The following PCDH11X variants were observed in gnomAD, a reference collection of about 807,000 sequenced individuals.
PCDH11X encodes protocadherin 11 X-linked.
Under a neutral mutation model 53.3 loss-of-function variants are expected in PCDH11X, and 18 were observed. That is an observed-to-expected ratio of 0.34 (90% confidence interval 0.23 to 0.50). The LOEUF is 0.50. PCDH11X is among the 20% of genes least tolerant of loss of function. The pLI, the probability that PCDH11X is intolerant of heterozygous loss-of-function variation, is 0.98. For missense variants in PCDH11X, 570 were observed against 1,032.4 expected (o/e 0.55, Z 6.14); for synonymous variants, 279 against 393.3 (o/e 0.71, Z 3.44).
chrX:92,069,365 T>C (rs183605675), intron 6 of PCDH11X, among the ~76,000 whole-genome samples: 161 of 110,816 alleles, frequency 1.5e-3, no homozygotes, highest in Non-Finnish European at 1.7e-3. Flanking sequence ...TTTATCTTTA[T>C]AGGTGAAATG....
At chrX:91,845,045 G>C (rs1937602735) in intron 5 of PCDH11X, among the ~76,000 whole-genome samples, 1 of 111,718 alleles carries the variant, frequency 9.0e-6, no homozygotes, top group Admixed American at 9.5e-5. Flanking sequence ...ATTACTTTTA[G>C]TTGAACAGAG....
intron 6 of PCDH11X, among the ~76,000 whole-genome samples, chrX:91,956,177 A>C (rs1371164746): frequency 9.0e-6 from 1 of 111,186 alleles, no homozygotes; most frequent in Non-Finnish European, 1.9e-5. Context: ...TCTTGAAGGC[A>C]GCATACCAAT....
intron 8 of PCDH11X, among the ~76,000 whole-genome samples, chrX:92,293,503 A>G (rs1232136018): frequency 9.2e-6 from 1 of 109,253 alleles, no homozygotes; most frequent in East Asian, 2.9e-4. Flanking sequence ...GGGCGCCTGT[A>G]GTCCCAGCTA....
intron 10 of PCDH11X, among the ~76,000 whole-genome samples, chrX:92,598,632 A>G (rs1394905855): frequency 1.1e-5 from 1 of 93,019 alleles, no homozygotes; most frequent in Non-Finnish European, 2.1e-5. Context: ...CACTATAGAG[A>G]ACAGTTTGGA....
chrX:92,594,270 T>A (rs1925337216), intron 10 of PCDH11X, among the ~76,000 whole-genome samples: 1 of 107,237 alleles, frequency 9.3e-6, no homozygotes, highest in African/African-American at 3.5e-5. Flanking sequence ...CATGGTCAAA[T>A]TCTAAATTAA....
At chrX:92,280,541 TAAA>T (rs2068227169) in intron 8 of PCDH11X, among the ~76,000 whole-genome samples, 2 of 107,962 alleles carry the variant, frequency 1.9e-5, no homozygotes, top group African/African-American at 6.7e-5. Context: ...AATAAATAAA[TAAA>T]TAAATAAATA....
intron 6 of PCDH11X, among the ~76,000 whole-genome samples, chrX:92,165,801 T>C (rs2065722686): frequency 8.9e-6 from 1 of 111,767 alleles, no homozygotes; most frequent in African/African-American, 3.3e-5. Flanking sequence ...CACTTTTGCA[T>C]TTCTAGTACT....
intron 8 of PCDH11X, among the ~76,000 whole-genome samples, chrX:92,314,018 C>T (rs34920963): frequency 3.6e-5 from 4 of 111,040 alleles, no homozygotes; most frequent in Non-Finnish European, 5.7e-5. Flanking sequence ...TACACTAAAT[C>T]GAAGGAAGTC....
At chrX:92,581,025 G>C (rs780624131) in intron 10 of PCDH11X, among the ~76,000 whole-genome samples, 1 of 110,468 alleles carries the variant, frequency 9.1e-6, no homozygotes, top group Non-Finnish European at 1.9e-5. Context: ...ATTTTTCTTG[G>C]TGAGAGCTGC....
intron 10 of PCDH11X, among the ~76,000 whole-genome samples, chrX:92,525,878 T>G (rs1056777499): frequency 4.5e-5 from 5 of 111,021 alleles, no homozygotes; most frequent in African/African-American, 1.6e-4. Flanking sequence ...TTTCTTATTT[T>G]TTGCTCCAAT....
chrX:92,575,646 T>C (rs1922735373), intron 10 of PCDH11X, among the ~76,000 whole-genome samples: 1 of 107,583 alleles, frequency 9.3e-6, no homozygotes, highest in African/African-American at 3.3e-5. Context: ...TAACTATAGA[T>C]TAAATTCAAT....
In PCDH11X at chrX:92,352,264, A is replaced by T. The variant is rs781751587; in HGVS notation, c.3145-35471A>T. Reference sequence around the variant, plus strand: ...TATTAGAAAGACATTATATACCCAAACCTCTCATTTGATAGGTGAGAAAAC... The same window carrying T: ...TATTAGAAAGACATTATATACCCAATCCTCTCATTTGATAGGTGAGAAAAC... On this transcript the variant is annotated intron_variant, in intron 8 of 10. Transcript: ENST00000682573. Among the ~76,000 whole-genome samples, 6 of 111,795 alleles carry T rather than the reference A, an allele frequency of 5.4e-5. No homozygotes were observed. The East Asian group carries it at 1.7e-3, about 32-fold the overall frequency.
At chrX:92,364,550 T>C (rs2070420193) in intron 8 of PCDH11X, among the ~76,000 whole-genome samples, 1 of 110,953 alleles carries the variant, frequency 9.0e-6, no homozygotes, top group African/African-American at 3.3e-5. Context: ...GCCATTACTT[T>C]ACACTACTGT....
chrX:92,584,591 G>A (rs1474721916), intron 10 of PCDH11X, among the ~76,000 whole-genome samples: 1 of 109,572 alleles, frequency 9.1e-6, no homozygotes, highest in East Asian at 2.8e-4. Context: ...ATAGTTCTGT[G>A]TTTATTAAAG....
intron 4 of PCDH11X, among the ~76,000 whole-genome samples, chrX:91,819,078 T>C (rs1936545902): frequency 8.9e-6 from 1 of 111,742 alleles, no homozygotes; most frequent in Admixed American, 9.6e-5. Flanking sequence ...TTGAGGTTAA[T>C]GCACTTCTTG....
chrX:91,932,081 T>C (rs1331138443), intron 6 of PCDH11X, among the ~76,000 whole-genome samples: 3 of 111,144 alleles, frequency 2.7e-5, no homozygotes, highest in Non-Finnish European at 5.7e-5. Flanking sequence ...ACATGCAGTA[T>C]TTGATTTTCT....
At position 92,377,725 on chromosome X, in the gene PCDH11X, A is replaced by G. The variant is rs751086446; in HGVS notation, c.3145-10010A>G. On this transcript the variant is annotated intron_variant, in intron 8 of 10. Coordinates refer to ENST00000682573, the MANE Select transcript of PCDH11X (RefSeq NM_032968.5). ...TTATACCATGGCCATCTCTGTGTTA[A>G]TAATGTCATCACTAGATCATATGTA... Among the ~76,000 whole-genome samples, 620 of 100,391 alleles carry G rather than the reference A, an allele frequency of 6.2e-3. 6 individuals carry two copies. The highest frequency in any genetic ancestry group is 0.021 in the African/African-American group (592 of 27,592). 87.2% of individuals were successfully genotyped at this position (100,391 alleles called of 115,157 possible). A position where few individuals can be genotyped will look rare whatever the true frequency, so the allele number is the denominator to read the frequency against.
intron 6 of PCDH11X, among the ~76,000 whole-genome samples, chrX:92,111,626 T>C (rs1285503234): frequency 9.0e-6 from 1 of 111,414 alleles, no homozygotes; most frequent in Non-Finnish European, 1.9e-5. Context: ...GTAGAAGATA[T>C]AGTCCAATGT....
chrX:92,158,355 C>G (rs1355462865), intron 6 of PCDH11X, among the ~76,000 whole-genome samples: 2 of 109,628 alleles, frequency 1.8e-5, no homozygotes, highest in African/African-American at 6.6e-5. Context: ...ACTAAAAATA[C>G]AAAAATTAGC....
Sources: allele counts gnomAD v4.1 joint callset (sites outside exome capture counted in the v4.1 genomes callset), GRCh38; gene constraint gnomAD v4.1.1; transcripts MANE v1.5; gene names NCBI Gene and HGNC (gene_info 2026-07-23, HGNC 2026-07-21).